Variants in TMEM140 observed in about 807,000 individuals in gnomAD.
The protein encoded by TMEM140 is transmembrane protein 140.
For synonymous variants in TMEM140, 107 were observed against 106.8 expected (o/e 1.00, Z -0.01); for missense variants, 236 against 228.5 (o/e 1.03, Z -0.21).
intron 1 of TMEM140, among the ~76,000 whole-genome samples, chr7:135,163,717 A>G (rs900445044): frequency 6.6e-6 from 1 of 152,216 alleles, no homozygotes; most frequent in African/African-American, 2.4e-5. Context: ...AAAAATATGT[A>G]TTAGTTTTTA....
chr7:135,163,177 G>T (rs530115337), intron 1 of TMEM140, among the ~76,000 whole-genome samples: 5 of 152,072 alleles, frequency 3.3e-5, no homozygotes, highest in Non-Finnish European at 7.4e-5. Context: ...TGTTTTTGAA[G>T]AATATTTAAC....
chr7:135,163,513 CG>C (rs1304448696), intron 1 of TMEM140, among the ~76,000 whole-genome samples: 3 of 151,970 alleles, frequency 2.0e-5, no homozygotes, highest in Admixed American at 1.3e-4. Flanking sequence ...GGCATGGTGG[CG>C]GGTGCCTGTA....
chr7:135,148,799 T>C (rs1025231545), intron 1 of TMEM140, among the ~76,000 whole-genome samples: 2 of 152,234 alleles, frequency 1.3e-5, no homozygotes, highest in Non-Finnish European at 2.9e-5. Context: ...TGTTTAGATC[T>C]TATGTTAGTC....
intron 1 of TMEM140, among the ~76,000 whole-genome samples, chr7:135,160,957 G>T (rs1829921370): frequency 6.6e-6 from 1 of 152,174 alleles, no homozygotes; most frequent in Non-Finnish European, 1.5e-5. Flanking sequence ...GCTGAGGATG[G>T]GCAGATGGGA....
chr7:135,165,014 G>T lies in TMEM140; in HGVS notation c.*15G>T, dbSNP rs375469494. On this transcript the variant is annotated 3_prime_UTR_variant, in exon 2 of 2. Transcript: ENST00000275767. ...AGAGCTGCTAAAGGCTTACGTGATT[G>T]CAAGGGTTCAGTTCCAACCATGGTC... The T allele has an allele frequency of 3.7e-5, 58 of 1,558,898 alleles. No homozygotes were observed. The highest frequency in any genetic ancestry group is 4.9e-5 in the Non-Finnish European group (56 of 1,150,098).
chr7:135,162,777 C>G (rs2117468743), intron 1 of TMEM140, among the ~76,000 whole-genome samples: 1 of 152,334 alleles, frequency 6.6e-6, no homozygotes, highest in Non-Finnish European at 1.5e-5. Flanking sequence ...TCAGCCGAAA[C>G]TTATCCCATA....
In TMEM140 at chr7:135,151,219, T is replaced by A. The variant is rs1387421084; in HGVS notation, c.-25+2949T>A. On this transcript the variant is annotated intron_variant, in intron 1 of 1. Coordinates refer to ENST00000275767, the MANE Select transcript of TMEM140 (RefSeq NM_018295.5). This position sits in a 1 kb window ranked among gnomAD's most constrained non-coding sequence, Gnocchi z 4.3. ...TGGGATGGCTGTCCACAGAAAACAC[T>A]GGTGAAATCCAGGAGCTGCCACCAC... 2.0e-5 allele frequency among the ~76,000 whole-genome samples: 3 copies of A among 152,232 alleles called. No individual in the cohort carries two copies. The highest frequency in any genetic ancestry group is 6.5e-5 in the Admixed American group (1 of 15,290).
At position 135,164,610 on chromosome 7, in the gene TMEM140, G is replaced by A. The variant is rs1409282369; in HGVS notation, c.169G>A (p.Glu57Lys). ...IGFYNFCLWN[E>K]DTSTLQCHQF... Reference sequence around the variant, plus strand: ...CTTCTATAACTTCTGCCTGTGGAATGAGGACACCAGCACCCTACAGTGTCA... The same window carrying A: ...CTTCTATAACTTCTGCCTGTGGAATAAGGACACCAGCACCCTACAGTGTCA... The change falls in exon 2 of 2, where the codon GAG becomes AAG. Residue 57 changes from glutamate to lysine, a missense_variant. Glu to Lys is a moderately conservative substitution (Grantham distance 56). Transcript: ENST00000275767. 1.9e-6 allele frequency: 3 copies of A among 1,614,230 alleles called. No individual in the cohort carries two copies. Among genetic ancestry groups the A allele is most frequent in the South Asian group, 1.1e-5 (1 of 91,090 alleles).
In TMEM140 at chr7:135,151,014, T is replaced by G. The variant is rs1829654485; in HGVS notation, c.-25+2744T>G. On this transcript the variant is annotated intron_variant, in intron 1 of 1. Transcript: ENST00000275767. The surrounding 1 kb of genome is among the most constrained non-coding windows in gnomAD (Gnocchi z 4.3). ...CAATTGCACAAATAGCAAGTTAATATTAATGGAACCATTTAAACAGCTATC... is the reference window on the plus strand; with the variant it reads ...CAATTGCACAAATAGCAAGTTAATAGTAATGGAACCATTTAAACAGCTATC... Among the ~76,000 whole-genome samples the G allele has an allele frequency of 6.6e-6, 1 of 152,230 alleles. No homozygotes were observed. The highest frequency in any genetic ancestry group is 1.5e-5 in the Non-Finnish European group (1 of 68,040).
intron 1 of TMEM140, among the ~76,000 whole-genome samples, chr7:135,155,094 T>C (rs1829757707): frequency 6.6e-6 from 1 of 152,238 alleles, no homozygotes; most frequent in Non-Finnish European, 1.5e-5. Flanking sequence ...AATGACCTTA[T>C]CTTTTTTCTT....
In TMEM140 at chr7:135,148,178, G is replaced by C. The variant is rs1407727203; in HGVS notation, c.-117G>C. The C allele has an allele frequency of 6.9e-6, 3 of 431,836 alleles. No homozygotes were observed. The highest frequency in any genetic ancestry group is 4.9e-5 in the South Asian group (3 of 61,808). 26.8% of individuals were successfully genotyped at this position (431,836 alleles called of 1,614,324 possible). ...TCCTCCTTTCTGGAGTCTGACATTAGAAAGCCAGCGAGAAGGAAGATTCAA... is the reference window on the plus strand; with the variant it reads ...TCCTCCTTTCTGGAGTCTGACATTACAAAGCCAGCGAGAAGGAAGATTCAA... On this transcript the variant is annotated 5_prime_UTR_variant, in exon 1 of 2. Transcript: ENST00000275767.
chr7:135,154,798 T>TG (rs1199532142), intron 1 of TMEM140, among the ~76,000 whole-genome samples: 2 of 152,348 alleles, frequency 1.3e-5, no homozygotes, highest in South Asian at 4.1e-4. Flanking sequence ...ATGTTCCATG[T>TG]GCTGACAAAA....
chr7:135,151,520 T>C lies in TMEM140; in HGVS notation c.-25+3250T>C, dbSNP rs1219534191. Among the ~76,000 whole-genome samples, 2 of 152,138 alleles carry C rather than the reference T, an allele frequency of 1.3e-5. No homozygotes were observed. The highest frequency in any genetic ancestry group is 2.9e-5 in the Non-Finnish European group (2 of 68,016). ...CGGCTTTATTCTGCTAACATTTTCT[T>C]CCCAGTTCTCCTCTCTCCATTCAGG... On this transcript the variant is annotated intron_variant, in intron 1 of 1. Coordinates refer to ENST00000275767, the MANE Select transcript of TMEM140 (RefSeq NM_018295.5). This position sits in a 1 kb window ranked among gnomAD's most constrained non-coding sequence, Gnocchi z 4.3.
chr7:135,154,121 C>T (rs1373694504), intron 1 of TMEM140, among the ~76,000 whole-genome samples: 1 of 152,100 alleles, frequency 6.6e-6, no homozygotes, highest in Non-Finnish European at 1.5e-5. Context: ...TGTGAGCATG[C>T]AGTTGTTCAT....
intron 1 of TMEM140, among the ~76,000 whole-genome samples, chr7:135,149,565 T>C (rs907674011): frequency 6.6e-6 from 1 of 152,196 alleles, no homozygotes; most frequent in East Asian, 1.9e-4. Flanking sequence ...CAAAGAGATA[T>C]GACTATTTTT....
chr7:135,160,651 C>T (rs1829907743), intron 1 of TMEM140, among the ~76,000 whole-genome samples: 1 of 152,068 alleles, frequency 6.6e-6, no homozygotes, highest in Non-Finnish European at 1.5e-5. Context: ...CTCCCTCAGG[C>T]AGCTCTGCTG....
chr7:135,148,122 G>T lies in TMEM140; in HGVS notation c.-173G>T. ...GCGAAGGCAAGGGGGCACCAGCTCA[G>T]GACTGCATCTGCCTGCCATTTCCCT... On this transcript the variant is annotated 5_prime_UTR_variant, in exon 1 of 2. It adds an upstream start codon to the 5' untranslated region. Coordinates refer to ENST00000275767, the MANE Select transcript of TMEM140 (RefSeq NM_018295.5). 2.2e-6 allele frequency: 1 copy of T among 455,120 alleles called. No individual in the cohort carries two copies. The highest frequency in any genetic ancestry group is 4.4e-6 in the Non-Finnish European group (1 of 226,740). The allele number at this position is 455,120 out of a possible 1,614,324, so 28.2% of individuals were successfully genotyped here.
At chr7:135,153,791 C>G (rs1829721251) in intron 1 of TMEM140, among the ~76,000 whole-genome samples, 1 of 152,148 alleles carries the variant, frequency 6.6e-6, no homozygotes, top group Non-Finnish European at 1.5e-5. Context: ...GGATATTGGT[C>G]TGTGTTTTCA....
At position 135,164,713 on chromosome 7, in the gene TMEM140, T is replaced by C; in HGVS notation, c.272T>C (p.Leu91Pro). The part of the protein sequence containing the change: ...GLARLGVYGS[L>P]VLTLFAPQPL... Reference sequence around the variant, plus strand: ...GCCAGGCTTGGCGTGTACGGGTCCCTGGTCCTCACCCTCTTTGCCCCCCAG... The same window carrying C: ...GCCAGGCTTGGCGTGTACGGGTCCCCGGTCCTCACCCTCTTTGCCCCCCAG... The change falls in exon 2 of 2, where the codon CTG (leucine) becomes CCG (proline). Residue 91 changes from leucine (L) to proline (P), a missense_variant. Leu to Pro is a moderately conservative substitution (Grantham distance 98). Coordinates refer to ENST00000275767, the MANE Select transcript of TMEM140 (RefSeq NM_018295.5). The C allele has an allele frequency of 1.2e-6, 2 of 1,614,234 alleles. No homozygotes were observed. The highest frequency in any genetic ancestry group is 1.1e-5 in the South Asian group (1 of 91,090).
Sources: allele counts gnomAD v4.1 joint callset (sites outside exome capture counted in the v4.1 genomes callset), GRCh38; gene constraint gnomAD v4.1.1; non-coding constraint Gnocchi (gnomAD v3.1); transcripts MANE v1.5; gene names NCBI Gene and HGNC (gene_info 2026-07-23, HGNC 2026-07-21).